The following KCTD21 variants were observed in gnomAD, a reference collection of about 807,000 sequenced individuals.
The protein encoded by KCTD21 is potassium channel tetramerization domain containing 21.
In KCTD21, 9 loss-of-function variants were observed where a neutral mutation model predicts 13.2. That is an observed-to-expected ratio of 0.68 (90% CI 0.41 to 1.19). The LOEUF (loss-of-function observed/expected upper bound fraction) is 1.19, where lower values mean the gene tolerates loss of function less well. Among genes scored for constraint, KCTD21 ranks in the 50% most tolerant of loss-of-function variants. The pLI is 0.01. For synonymous variants in KCTD21, 142 were observed against 137.4 expected (o/e 1.03, Z -0.23); for missense variants, 303 against 336.5 (o/e 0.90, Z 0.78).
intron 1 of KCTD21, chr11:78,188,326 T>C: frequency 2.0e-6 from 2 of 984,982 alleles, no homozygotes; most frequent in Non-Finnish European, 2.4e-6. Context: ...TCCGGGCTTT[T>C]CCGACTATCA....
Position 78,174,118 on chromosome 11 carries a change from G to A in KCTD21, c.437C>T (p.Ala146Val), listed in dbSNP as rs1470146888. 2.5e-6 allele frequency: 4 copies of A among 1,614,040 alleles called. No homozygotes were observed. The highest frequency in any genetic ancestry group is 2.2e-5 in the South Asian group (2 of 91,078). The part of the protein sequence containing the change: ...LSSSSMEVFN[A>V]NIFSTSCLFL... ...GAGGCAGGAGGTGCTGAAGATGTTGGCGTTGAAGACCTCCATGCTGGAAGA... is the reference window on the plus strand; with the variant it reads ...GAGGCAGGAGGTGCTGAAGATGTTGACGTTGAAGACCTCCATGCTGGAAGA... Residue 146 changes from alanine to valine, a missense_variant, in exon 2 of 2, where the codon GCC (alanine) becomes GTC (valine). Ala to Val is a moderately conservative substitution (Grantham distance 64). Coordinates refer to ENST00000340067, the MANE Select transcript of KCTD21 (RefSeq NM_001029859.3).
intron 1 of KCTD21, chr11:78,188,136 T>C: frequency 1.0e-6 from 1 of 985,372 alleles, no homozygotes; most frequent in Non-Finnish European, 1.2e-6. Context: ...CCCTGTCATC[T>C]GTGTCTCCGC....
intron 1 of KCTD21, 73 bp from the exon 2 acceptor site, chr11:78,174,656 T>G (rs1012322272): frequency 1.5e-5 from 16 of 1,036,228 alleles, no homozygotes; most frequent in Non-Finnish European, 2.2e-5. Context: ...TAACTCCTTA[T>G]TGTACATCAA....
At chr11:78,175,635 G>T (rs1387596641) in intron 1 of KCTD21, among the ~76,000 whole-genome samples, 1 of 152,166 alleles carries the variant, frequency 6.6e-6, no homozygotes, top group African/African-American at 2.4e-5. Context: ...ATTTGACAAT[G>T]AATGGCCATG....
In KCTD21 at chr11:78,178,186, C is replaced by T. The variant is rs573119115; in HGVS notation, c.-29-3603G>A. 4.6e-4 allele frequency among the ~76,000 whole-genome samples: 69 copies of T among 150,982 alleles called. 3 individuals carry two copies. In the South Asian group the frequency reaches 0.014, roughly 31 times the overall value. On this transcript the variant is annotated intron_variant, in intron 1 of 1. Transcript: ENST00000340067. ...CTGTCGCCAGGCTAGAGTGCAGTGA[C>T]GCAATCTCAGCTCACTGCAACCTCT... is the stretch of plus-strand genomic sequence containing the variant.
Position 78,174,431 on chromosome 11 carries a change from C to A in KCTD21, c.124G>T (p.Asp42Tyr). ...MFSGKMPTKR[D>Y]SQGNCFIDRD... is the part of the protein sequence containing the mutation. ...TCAATGAAGCAGTTGCCCTGGCTGT[C>A]CCTCTTGGTGGGCATCTTCCCGCTG... The change falls in exon 2 of 2, where the codon GAC (aspartate) becomes TAC (tyrosine). Residue 42 changes from aspartate (D) to tyrosine (Y), a missense_variant. Asp to Tyr is a radical substitution (Grantham distance 160). Coordinates refer to ENST00000340067, the MANE Select transcript of KCTD21 (RefSeq NM_001029859.3). 1.2e-6 allele frequency: 2 copies of A among 1,614,036 alleles called. No individual in the cohort carries two copies.
chr11:78,174,541 A>T lies in KCTD21; in HGVS notation c.14T>A (p.Ile5Asn). The change falls in exon 2 of 2, where the codon ATC becomes AAC. Residue 5 changes from isoleucine to asparagine, a missense_variant. Coordinates refer to ENST00000340067, the MANE Select transcript of KCTD21 (RefSeq NM_001029859.3). ...GAGCTTCCCCCCGACGTTCAGCGTG[A>T]TGGGGTCGGACATGGCAGGAGACTG... MSDP[I>N]TLNVGGKLYT... 6.2e-7 allele frequency: 1 copy of T among 1,612,174 alleles called. No homozygotes were observed.
At chr11:78,183,686 G>A (rs1862693320) in intron 1 of KCTD21, among the ~76,000 whole-genome samples, 1 of 149,850 alleles carries the variant, frequency 6.7e-6, no homozygotes, top group Non-Finnish European at 1.5e-5. Context: ...CCAGGCTGGA[G>A]TGCAGTGGTG....
rs559518840 is a variant in KCTD21 at position 78,177,494 on chromosome 11, A to G, written c.-29-2911T>C. 2.3e-3 allele frequency among the ~76,000 whole-genome samples: 352 copies of G among 152,288 alleles called. 6 individuals are homozygous for G. Among genetic ancestry groups the G allele is most frequent in the Middle Eastern group, 0.02 (6 of 294 alleles). The stretch of plus-strand genomic sequence containing the variant: ...GCAACTGGGGAGGGTGCTGTGACTC[A>G]GGGCTGAATCTGGCCAATTCTCTCT... On this transcript the variant is annotated intron_variant, in intron 1 of 1. Coordinates refer to ENST00000340067, the MANE Select transcript of KCTD21 (RefSeq NM_001029859.3).
intron 1 of KCTD21, among the ~76,000 whole-genome samples, chr11:78,180,363 A>T (rs1405019613): frequency 6.6e-6 from 1 of 152,212 alleles, no homozygotes; most frequent in East Asian, 1.9e-4. Flanking sequence ...AAATAACCCA[A>T]TTAAAAAACA....
intron 1 of KCTD21, among the ~76,000 whole-genome samples, chr11:78,185,129 A>AG (rs1862731634): frequency 6.6e-6 from 1 of 152,198 alleles, no homozygotes; most frequent in South Asian, 2.1e-4. Context: ...CGCCCTTATT[A>AG]GGGGATACAT....
rs1382019770 is a variant in KCTD21 at position 78,173,392 on chromosome 11, T to C, written c.*380A>G. 5.4e-6 allele frequency: 1 copy of C among 183,488 alleles called. No individual in the cohort carries two copies. The highest frequency in any genetic ancestry group is 1.2e-5 in the Non-Finnish European group (1 of 85,980). 11.4% of individuals were successfully genotyped at this position (183,488 alleles called of 1,614,324 possible). A position where few individuals can be genotyped will look rare whatever the true frequency, so the allele number is the denominator to read the frequency against. ...AGCCTCTTGTTCTCATCCCATCCTC[T>C]CCACCAGGGCCTTCTTACAGATGGA... On this transcript the variant is annotated 3_prime_UTR_variant, in exon 2 of 2. Transcript: ENST00000340067.
At chr11:78,185,307 A>T (rs1238361679) in intron 1 of KCTD21, among the ~76,000 whole-genome samples, 1 of 152,228 alleles carries the variant, frequency 6.6e-6, no homozygotes, top group Non-Finnish European at 1.5e-5. Flanking sequence ...TGAAAATTTT[A>T]AAAATATTTG....
chr11:78,183,004 C>T (rs1228493370), intron 1 of KCTD21, among the ~76,000 whole-genome samples: 1 of 152,196 alleles, frequency 6.6e-6, no homozygotes, highest in Non-Finnish European at 1.5e-5. Flanking sequence ...AATTGTCCAT[C>T]TATCATCTAT....
At position 78,173,890 on chromosome 11, in the gene KCTD21, A is replaced by G; in HGVS notation, c.665T>C (p.Val222Ala). The G allele has an allele frequency of 1.2e-6, 2 of 1,614,156 alleles. No individual in the cohort carries two copies. Among genetic ancestry groups the G allele is most frequent in the East Asian group, 2.2e-5 (1 of 44,868 alleles). ...PANKQINSFQ[V>A]FVEEVLKIAL... ...GATTTTCAGTACCTCTTCCACGAAGACCTGGAAGCTGTTGATCTGCTTGTT... is the reference window on the plus strand; with the variant it reads ...GATTTTCAGTACCTCTTCCACGAAGGCCTGGAAGCTGTTGATCTGCTTGTT... Residue 222 changes from valine (V) to alanine (A), a missense_variant, in exon 2 of 2, where the codon GTC becomes GCC. Coordinates refer to ENST00000340067, the MANE Select transcript of KCTD21 (RefSeq NM_001029859.3).
In KCTD21 at chr11:78,186,945, G is replaced by C. The variant is rs149548917; in HGVS notation, c.-30+1628C>G. ...CAGAAGCACGTAGAATAGGGGAAGA[G>C]GAAGAAATTTCTCTCCTGTTTAGTC... On this transcript the variant is annotated intron_variant, in intron 1 of 1. Transcript: ENST00000340067. The C allele has an allele frequency of 9.2e-3, 9,113 of 985,458 alleles. 67 individuals carry two copies. The highest frequency in any genetic ancestry group is 0.01 in the Non-Finnish European group (8,357 of 829,940). The allele number at this position is 985,458 out of a possible 1,614,324, so 61.0% of individuals were successfully genotyped here.
chr11:78,178,641 G>C (rs1355125082), intron 1 of KCTD21, among the ~76,000 whole-genome samples: 1 of 152,192 alleles, frequency 6.6e-6, no homozygotes, highest in Non-Finnish European at 1.5e-5. Flanking sequence ...CTGCAAGTGA[G>C]GCAGGAGAAC....
At chr11:78,185,135 T>A (rs1489268246) in intron 1 of KCTD21, among the ~76,000 whole-genome samples, 1 of 152,200 alleles carries the variant, frequency 6.6e-6, no homozygotes, top group Admixed American at 6.5e-5. Flanking sequence ...TATTAGGGGA[T>A]ACATGTTGAA....
At chr11:78,183,639 CTTT>C (rs201919205) in intron 1 of KCTD21, among the ~76,000 whole-genome samples, 3 of 141,944 alleles carry the variant, frequency 2.1e-5, no homozygotes, top group Admixed American at 7.1e-5. Flanking sequence ...AAAATTAATT[CTTT>C]TTTTTTTTTT....
Sources: allele counts gnomAD v4.1 joint callset (sites outside exome capture counted in the v4.1 genomes callset), GRCh38; gene constraint gnomAD v4.1.1; transcripts MANE v1.5; gene names NCBI Gene and HGNC (gene_info 2026-07-23, HGNC 2026-07-21).